EXOC1: variants seen among roughly 807,000 people sequenced by gnomAD.
EXOC1 encodes SEC3-like 1.
EXOC1 carries 67 observed loss-of-function variants against 107.7 expected under a neutral mutation model. The ratio of observed to expected loss-of-function variants is 0.62; its 90% CI spans 0.51 to 0.76. The LOEUF is 0.76. Among genes scored for constraint, EXOC1 ranks in the 30% least tolerant of loss-of-function variants. EXOC1 has a pLI of 0.00. For missense variants in EXOC1, 833 were observed against 1,055.7 expected (o/e 0.79, Z 2.92); for synonymous variants, 348 against 353.5 (o/e 0.98, Z 0.17).
intron 4 of EXOC1, among the ~76,000 whole-genome samples, 171 bp from the exon 5 acceptor site, chr4:55,868,165 A>C (rs1722120745): frequency 1.3e-5 from 2 of 152,182 alleles, no homozygotes; most frequent in South Asian, 4.1e-4. Context: ...TTAACATATT[A>C]AATTATTTAT....
intron 8 of EXOC1, among the ~76,000 whole-genome samples, 195 bp downstream of exon 8, chr4:55,872,153 A>G (rs1026369871): frequency 6.6e-6 from 1 of 152,168 alleles, no homozygotes; most frequent in Admixed American, 6.5e-5. Context: ...CTTTTGGTAG[A>G]CAGTCTAGTT....
intron 1 of EXOC1, among the ~76,000 whole-genome samples, chr4:55,857,493 A>G (rs919549233): frequency 6.6e-6 from 1 of 152,180 alleles, no homozygotes; most frequent in African/African-American, 2.4e-5. Flanking sequence ...TTGCAGCCGA[A>G]TAATAATCCA....
intron 16 of EXOC1, 34 bp from the exon 17 acceptor site, chr4:55,899,651 A>T: frequency 6.4e-7 from 1 of 1,568,700 alleles, no homozygotes. Flanking sequence ...TCATACTCAG[A>T]GATGTTATTT....
chr4:55,854,694 G>A (rs535836607), intron 1 of EXOC1, among the ~76,000 whole-genome samples: 4 of 152,196 alleles, frequency 2.6e-5, no homozygotes, highest in Non-Finnish European at 5.9e-5. Context: ...CCTTTATGAG[G>A]TATGCCCAAT....
At chr4:55,879,058 A>G (rs1723150998) in intron 9 of EXOC1, among the ~76,000 whole-genome samples, 1 of 152,198 alleles carries the variant, frequency 6.6e-6, no homozygotes. Flanking sequence ...AGTTTAGAAC[A>G]GTAGTATATA....
rs1725257913 is a variant in EXOC1, at chr4:55,896,810, G to A, written c.2047G>A (p.Gly683Arg). Residue 683 changes from glycine to arginine, a missense_variant, in exon 16 of 19, where the codon GGA becomes AGA. Physicochemically the swap from Gly to Arg is moderately radical, Grantham distance 125 (BLOSUM62 -2). This residue lies in a region of EXOC1 where 216 missense variants were observed against 354.4 expected (regional missense o/e 0.61). Coordinates refer to ENST00000381295, the MANE Select transcript of EXOC1 (RefSeq NM_001024924.2). ...PFVAEFEEFAGLAESIFKNAE... is the reference protein window; with the variant it reads ...PFVAEFEEFARLAESIFKNAE... The stretch of plus-strand genomic sequence containing the variant: ...TGTTGCTGAATTTGAAGAATTTGCT[G>A]GACTTGCAGAATCAATCTTCAAAAA... 3 of 1,611,656 alleles carry A rather than the reference G, an allele frequency of 1.9e-6. No homozygotes were observed. The highest frequency in any genetic ancestry group is 1.7e-6 in the Non-Finnish European group (2 of 1,179,262).
At chr4:55,864,178 G>T (rs1241318501) in intron 3 of EXOC1, 49 bp from the exon 4 acceptor site, 1 of 1,244,192 alleles carries the variant, frequency 8.0e-7, no homozygotes, top group Non-Finnish European at 1.1e-6. Context: ...CATTAACAAT[G>T]TAAAAGGATG....
At chr4:55,871,261 T>C in intron 7 of EXOC1, 28 bp downstream of exon 7, 1 of 1,592,856 alleles carries the variant, frequency 6.3e-7, no homozygotes, top group Non-Finnish European at 8.6e-7. Flanking sequence ...GACAAAAATG[T>C]GACCAAGAAT....
Position 55,899,771 on chromosome 4 carries a change from C to G in EXOC1, c.2224C>G (p.Arg742Gly). Residue 742 changes from arginine (R) to glycine (G), a missense_variant, in exon 17 of 19, where the codon CGA (arginine) becomes GGA (glycine). Coordinates refer to ENST00000381295, the MANE Select transcript of EXOC1 (RefSeq NM_001024924.2). ...NFHHIFATLSRLKISCLEAEK... is the reference protein window; with the variant it reads ...NFHHIFATLSGLKISCLEAEK... ...TCACCATATTTTTGCAACTCTTTCT[C>G]GATTGAAAATCTCATGTCTAGAAGC... 6.2e-7 allele frequency: 1 copy of G among 1,613,440 alleles called. No individual in the cohort carries two copies. Among genetic ancestry groups the G allele is most frequent in the Non-Finnish European group, 8.5e-7 (1 of 1,179,688 alleles).
intron 15 of EXOC1, among the ~76,000 whole-genome samples, chr4:55,895,196 A>G (rs1008734887): frequency 1.3e-5 from 2 of 152,188 alleles, no homozygotes; most frequent in African/African-American, 4.8e-5. Context: ...ACACTGGTCA[A>G]TAAGATCAAT....
At chr4:55,902,260 T>C in intron 17 of EXOC1, 84 bp from the exon 18 acceptor site, 2 of 1,080,328 alleles carry the variant, frequency 1.9e-6, no homozygotes, top group Non-Finnish European at 1.2e-6. Flanking sequence ...ATGGTGATTA[T>C]ACACTACTTT....
intron 5 of EXOC1, 26 bp from the exon 6 acceptor site, chr4:55,870,652 G>A (rs573897321): frequency 1.9e-5 from 30 of 1,567,736 alleles, no homozygotes; most frequent in Non-Finnish European, 2.6e-5. Flanking sequence ...TTGTTTGTTT[G>A]TTTGTTTTGG....
rs1456741726 is a variant in EXOC1, at chr4:55,860,636, AAT to A, written c.255+102_255+103del. 2.2e-5 allele frequency: 31 copies of A among 1,402,852 alleles called. No homozygotes were observed. The Middle Eastern group carries it at 1.9e-3, about 88-fold the overall frequency. 86.9% of individuals were successfully genotyped at this position (1,402,852 alleles called of 1,614,324 possible). ...TTCTAAAATGATCTAAAAACAAATTAATATATATGTTTGTTTTCTTATTTTTT... is the reference window on the plus strand; with the variant it reads ...TTCTAAAATGATCTAAAAACAAATTAATATATGTTTGTTTTCTTATTTTTT... On this transcript the variant is annotated intron_variant, in intron 3 of 18. Transcript: ENST00000381295.
chr4:55,869,672 TC>T (rs1722253795), intron 5 of EXOC1, among the ~76,000 whole-genome samples: 1 of 152,172 alleles, frequency 6.6e-6, no homozygotes, highest in South Asian at 2.1e-4. Flanking sequence ...CTGGGCAGAT[TC>T]AAACCCCAGC....
chr4:55,865,935 A>T (rs2110325300), intron 4 of EXOC1, among the ~76,000 whole-genome samples: 1 of 152,288 alleles, frequency 6.6e-6, no homozygotes, highest in East Asian at 1.9e-4. Context: ...TACTGAGAAG[A>T]TCCTTAAGGA....
At chr4:55,891,877 A>G (rs1020264403) in intron 13 of EXOC1, among the ~76,000 whole-genome samples, 3 of 152,226 alleles carry the variant, frequency 2.0e-5, no homozygotes, top group African/African-American at 7.2e-5. Context: ...GTTACTAACT[A>G]GCCATGAGAT....
intron 9 of EXOC1, among the ~76,000 whole-genome samples, chr4:55,881,090 G>C (rs1050664089): frequency 1.3e-5 from 2 of 152,160 alleles, no homozygotes; most frequent in African/African-American, 4.8e-5. Flanking sequence ...AAAATTCTTT[G>C]GGAATAAGAA....
chr4:55,863,075 G>GT (rs1164012306), intron 3 of EXOC1, among the ~76,000 whole-genome samples: 3 of 151,862 alleles, frequency 2.0e-5, no homozygotes, highest in Non-Finnish European at 2.9e-5. Flanking sequence ...TAATTTTTGT[G>GT]TTTTTTGTAG....
intron 15 of EXOC1, among the ~76,000 whole-genome samples, chr4:55,895,374 A>G (rs1725082403): frequency 6.6e-6 from 1 of 152,170 alleles, no homozygotes; most frequent in Non-Finnish European, 1.5e-5. Context: ...TCTTGTATTC[A>G]AACCCAGAAA....
Sources: allele counts gnomAD v4.1 joint callset (sites outside exome capture counted in the v4.1 genomes callset), GRCh38; gene constraint gnomAD v4.1.1; regional missense constraint gnomAD v4.1.1; transcripts MANE v1.5; gene names NCBI Gene and HGNC (gene_info 2026-07-23, HGNC 2026-07-21).